Variants in NXPE2 observed in about 807,000 individuals in gnomAD.
NXPE2 encodes the protein neurexophilin and PC-esterase domain family member 2.
In NXPE2, 34 loss-of-function variants were observed where a neutral mutation model predicts 34.4. The observed-to-expected ratio is 0.99, with a 90% confidence interval of 0.75 to 1.31. NXPE2 has a LOEUF of 1.31. NXPE2 is among the 40% of genes most tolerant of loss of function. The pLI, the probability that NXPE2 is intolerant of heterozygous loss-of-function variation, is 0.00. For missense variants in NXPE2, 649 were observed against 672.5 expected, an observed-to-expected ratio of 0.97 and a Z score of 0.39; for synonymous variants, 235 against 231.3, an observed-to-expected ratio of 1.02 and a Z score of -0.15.
chr11:114,650,718 C>T, the NXPE2 span, among the ~76,000 whole-genome samples: 2 of 152,130 alleles, frequency 1.3e-5, no homozygotes, highest in East Asian at 1.9e-4. Context: ...GCAACTCCCA[C>T]CCAAGACCAA....
chr11:114,550,861 A>C, the NXPE2 span, among the ~76,000 whole-genome samples: 7 of 152,176 alleles, frequency 4.6e-5, no homozygotes, highest in African/African-American at 1.7e-4. Flanking sequence ...AACAAGGGCC[A>C]TTTTGGGAGC....
the NXPE2 span, among the ~76,000 whole-genome samples, chr11:114,628,196 C>T: frequency 6.9e-6 from 1 of 144,384 alleles, no homozygotes; most frequent in Admixed American, 7.0e-5. Context: ...GAACTCTCCA[C>T]CCCAAATCAA....
At chr11:114,600,062 G>A in the NXPE2 span, among the ~76,000 whole-genome samples, 707 of 152,222 alleles carry the variant, frequency 4.6e-3, 14 homozygotes, top group African/African-American at 0.016. Flanking sequence ...GTGAGCATTA[G>A]AACTCTTCAG....
intron 2 of NXPE2, among the ~76,000 whole-genome samples, chr11:114,690,526 G>T (rs985817515): frequency 1.3e-5 from 2 of 152,120 alleles, no homozygotes; most frequent in Non-Finnish European, 2.9e-5. Context: ...CTGCCTTTAA[G>T]ATTTTTACTT....
the NXPE2 span, among the ~76,000 whole-genome samples, chr11:114,508,731 C>G: frequency 1.3e-5 from 2 of 152,150 alleles, no homozygotes; most frequent in Non-Finnish European, 2.9e-5. Context: ...ACACCTTATA[C>G]GAAAATTGTC....
the NXPE2 span, among the ~76,000 whole-genome samples, chr11:114,585,486 A>T: frequency 6.6e-6 from 1 of 152,134 alleles, no homozygotes; most frequent in African/African-American, 2.4e-5. Flanking sequence ...CACTATGCTT[A>T]TATCAGATAA....
At chr11:114,725,405 CCTT>C in the NXPE2 span, among the ~76,000 whole-genome samples, 4 of 152,006 alleles carry the variant, frequency 2.6e-5, no homozygotes, top group Non-Finnish European at 5.9e-5. Flanking sequence ...TATATAGCCT[CCTT>C]CTTCCTCATC....
chr11:114,649,677 G>A, the NXPE2 span, among the ~76,000 whole-genome samples: 3 of 152,212 alleles, frequency 2.0e-5, no homozygotes, highest in Admixed American at 6.5e-5. Flanking sequence ...GAAGACTGGA[G>A]GCGGGGGTAA....
chr11:114,729,265 T>G, the NXPE2 span, among the ~76,000 whole-genome samples: 21 of 152,178 alleles, frequency 1.4e-4, no homozygotes, highest in African/African-American at 4.8e-4. Context: ...TTTTTATGGT[T>G]GCATAGTATT....
chr11:114,672,717 A>G, the NXPE2 span, among the ~76,000 whole-genome samples: 13 of 151,960 alleles, frequency 8.6e-5, no homozygotes, highest in Non-Finnish European at 1.9e-4. Flanking sequence ...GATAATGAGG[A>G]ACGTTTTCTA....
chr11:114,539,287 G>A, the NXPE2 span, among the ~76,000 whole-genome samples: 1 of 145,232 alleles, frequency 6.9e-6, no homozygotes, highest in Admixed American at 6.9e-5. Flanking sequence ...CTGTTGTGTG[G>A]TCTGGGGAGG....
the NXPE2 span, among the ~76,000 whole-genome samples, chr11:114,478,887 G>A: frequency 6.6e-6 from 1 of 152,198 alleles, no homozygotes; most frequent in African/African-American, 2.4e-5. Flanking sequence ...AAAAAAGACA[G>A]GCATGCTTCT....
the NXPE2 span, among the ~76,000 whole-genome samples, chr11:114,792,930 G>A: frequency 6.6e-6 from 1 of 152,020 alleles, no homozygotes; most frequent in Non-Finnish European, 1.5e-5. Flanking sequence ...CTTACTATTG[G>A]TTCTAAAGCT....
the NXPE2 span, among the ~76,000 whole-genome samples, chr11:114,655,335 C>G: frequency 6.6e-6 from 1 of 152,090 alleles, no homozygotes. Context: ...TTAATTAGAT[C>G]CCATTTGTCA....
the NXPE2 span, among the ~76,000 whole-genome samples, chr11:114,774,819 A>G: frequency 6.4e-3 from 980 of 152,268 alleles, 8 homozygotes; most frequent in African/African-American, 0.023. Context: ...TAGGAGCATC[A>G]TCTCCAAAGG....
chr11:114,572,707 G>A, the NXPE2 span, among the ~76,000 whole-genome samples: 1 of 152,120 alleles, frequency 6.6e-6, no homozygotes, highest in Non-Finnish European at 1.5e-5. Flanking sequence ...CAAGAAGTTT[G>A]GGAGTATGCT....
the NXPE2 span, among the ~76,000 whole-genome samples, chr11:114,611,778 C>T: frequency 0.01 from 1,551 of 151,896 alleles, 21 homozygotes; most frequent in African/African-American, 0.035. Context: ...ACCACTGTTA[C>T]CCGGTGGATA....
the NXPE2 span, among the ~76,000 whole-genome samples, chr11:114,624,649 C>A: frequency 6.6e-6 from 1 of 151,954 alleles, no homozygotes. Context: ...ATAAGTATTG[C>A]CTTGTGGGTA....
the NXPE2 span, among the ~76,000 whole-genome samples, chr11:114,670,240 G>C: frequency 6.6e-6 from 1 of 152,036 alleles, no homozygotes; most frequent in East Asian, 1.9e-4. Context: ...AGAGAGCTTA[G>C]AGAAATCAAA....
Sources: gnomAD v4.1 joint callset for allele counts (sites outside exome capture counted in the v4.1 genomes callset) on GRCh38, gnomAD v4.1.1 for gene constraint, MANE v1.5 for transcripts, NCBI Gene and HGNC (gene_info 2026-07-23, HGNC 2026-07-21) for gene names.